The following ELMO1 variants were observed in gnomAD, a reference collection of about 807,000 sequenced individuals.
ELMO1 encodes engulfment and cell motility protein 1.
Under a neutral mutation model 98.9 loss-of-function variants are expected in ELMO1, and 26 were observed. That is an observed-to-expected ratio of 0.26 (90% confidence interval 0.19 to 0.36). The LOEUF is 0.36. Among genes scored for constraint, ELMO1 ranks in the 10% least tolerant of loss-of-function variants. The pLI is 1.00. For missense variants in ELMO1, 627 were observed against 935.2 expected (o/e 0.67, Z 4.30); for synonymous variants, 346 against 346.0 (o/e 1.00, Z 0.00).
intron 13 of ELMO1, among the ~76,000 whole-genome samples, chr7:37,192,815 T>G (rs867913772): frequency 8.3e-6 from 1 of 120,682 alleles, no homozygotes; most frequent in Non-Finnish European, 1.7e-5. Flanking sequence ...AAAAAAAAAA[T>G]GTGTGTGTGT....
intron 15 of ELMO1, among the ~76,000 whole-genome samples, chr7:37,023,435 A>G (rs1794391530): frequency 6.6e-6 from 1 of 152,168 alleles, no homozygotes; most frequent in African/African-American, 2.4e-5. Flanking sequence ...AGGGATTGAC[A>G]TTTTATGTAA....
intron 15 of ELMO1, among the ~76,000 whole-genome samples, chr7:37,081,395 G>T (rs1264278475): frequency 6.6e-6 from 1 of 152,208 alleles, no homozygotes; most frequent in Non-Finnish European, 1.5e-5. Flanking sequence ...ATGCGTATTA[G>T]TTCATTTTTA....
intron 16 of ELMO1, among the ~76,000 whole-genome samples, chr7:36,949,251 T>C (rs150178170): frequency 3.9e-5 from 6 of 152,348 alleles, no homozygotes; most frequent in African/African-American, 1.2e-4. Flanking sequence ...ACCCTATCAC[T>C]GAACTGGAAA....
intron 14 of ELMO1, among the ~76,000 whole-genome samples, chr7:37,110,812 A>T (rs1336743994): frequency 6.6e-6 from 1 of 152,176 alleles, no homozygotes; most frequent in East Asian, 1.9e-4. Context: ...GGACCATGAC[A>T]GCCACTCCCT....
intron 4 of ELMO1, among the ~76,000 whole-genome samples, chr7:37,297,210 A>C (rs1798073891): frequency 6.6e-6 from 1 of 152,218 alleles, no homozygotes; most frequent in Non-Finnish European, 1.5e-5. Flanking sequence ...GTTTACGCTG[A>C]TTGTTTTATT....
chr7:37,025,987 A>T (rs1289830217), intron 15 of ELMO1, among the ~76,000 whole-genome samples: 2 of 151,406 alleles, frequency 1.3e-5, no homozygotes, highest in Non-Finnish European at 2.9e-5. Flanking sequence ...AAGAAGGAGG[A>T]GCAGAAGATG....
intron 14 of ELMO1, among the ~76,000 whole-genome samples, chr7:37,128,968 T>C (rs1392782232): frequency 6.6e-6 from 1 of 152,052 alleles, no homozygotes; most frequent in Non-Finnish European, 1.5e-5. Flanking sequence ...GATGGAGTCA[T>C]CCGGGTAGAG....
chr7:36,934,215 T>C (rs775428936), intron 16 of ELMO1, among the ~76,000 whole-genome samples: 1 of 152,208 alleles, frequency 6.6e-6, no homozygotes, highest in Non-Finnish European at 1.5e-5. Context: ...ACAAGTCACA[T>C]GCCTGGCCAA....
chr7:37,432,548 T>A (rs1468380848), intron 1 of ELMO1, among the ~76,000 whole-genome samples: 2 of 152,246 alleles, frequency 1.3e-5, no homozygotes, highest in South Asian at 2.1e-4. Flanking sequence ...GCCAAGACAC[T>A]ATCAAGTTTC....
intron 1 of ELMO1, among the ~76,000 whole-genome samples, chr7:37,383,021 A>G (rs1467513239): frequency 6.6e-6 from 1 of 152,208 alleles, no homozygotes; most frequent in African/African-American, 2.4e-5. Flanking sequence ...CCATACTTCA[A>G]TGTATATTTC....
intron 15 of ELMO1, among the ~76,000 whole-genome samples, chr7:37,083,632 A>G (rs150871865): frequency 2.7e-4 from 41 of 152,366 alleles, no homozygotes; most frequent in East Asian, 5.8e-4. Context: ...GGGAAGCCAC[A>G]TTGGGTTTGT....
At chr7:36,919,031 ATAAAG>A (rs1470363137) in intron 16 of ELMO1, among the ~76,000 whole-genome samples, 1 of 152,210 alleles carries the variant, frequency 6.6e-6, no homozygotes, top group African/African-American at 2.4e-5. Flanking sequence ...TTGGGCTAAA[ATAAAG>A]TACTTTATTC....
chr7:37,013,222 C>T lies in ELMO1; in HGVS notation c.1437+77G>A, dbSNP rs544219303. The T allele has an allele frequency of 1.5e-4, 234 of 1,548,328 alleles. 2 individuals carry two copies. The African/African-American group carries it at 2.9e-3, about 19-fold the overall frequency. ...TCCCCACCTTGCCAATTGCCTTCTGCACACAGCCAAGGGACCATGCAGCAG... is the reference window on the plus strand; with the variant it reads ...TCCCCACCTTGCCAATTGCCTTCTGTACACAGCCAAGGGACCATGCAGCAG... On this transcript the variant is annotated intron_variant, in intron 16 of 21. Coordinates refer to ENST00000310758, the MANE Select transcript of ELMO1 (RefSeq NM_014800.11).
In ELMO1 at chr7:36,860,809, G is replaced by A. The variant is rs1802571150; in HGVS notation, c.1983+850C>T. Among the ~76,000 whole-genome samples, 4 of 152,174 alleles carry A rather than the reference G, an allele frequency of 2.6e-5. No homozygotes were observed. The South Asian group carries it at 8.3e-4, about 31-fold the overall frequency. ...GCACCGTTCTAAATGCAGGATTTGT[G>A]TCTAATCTTTCCTCTCTCTTTGGGA... On this transcript the variant is annotated intron_variant, in intron 21 of 21. Transcript: ENST00000310758.
At chr7:37,271,548 CA>C (rs1335841140) in intron 5 of ELMO1, 1 of 353,082 alleles carries the variant, frequency 2.8e-6, no homozygotes, top group South Asian at 5.2e-5. Context: ...AAATACAGAA[CA>C]ACTCATAATG....
intron 16 of ELMO1, among the ~76,000 whole-genome samples, chr7:36,954,850 A>C (rs1401908758): frequency 1.3e-5 from 2 of 152,210 alleles, no homozygotes. Flanking sequence ...TCCTAATCAC[A>C]TTAAATTAGG....
At chr7:36,981,906 G>A (rs1338325248) in intron 16 of ELMO1, among the ~76,000 whole-genome samples, 1 of 152,182 alleles carries the variant, frequency 6.6e-6, no homozygotes, top group Non-Finnish European at 1.5e-5. Context: ...ACCTTGTGGA[G>A]GTAAAAGAGA....
At position 37,291,970 on chromosome 7, in the gene ELMO1, T is replaced by TG. The variant is rs1251059483; in HGVS notation, c.193-20089_193-20088insC. Reference sequence around the variant, plus strand: ...TCTGCCCACGGTCTCCCTCTCCCTCTCTTTCCACGGTCTCCCTCTGATGCC... The same window carrying TG: ...TCTGCCCACGGTCTCCCTCTCCCTCTGCTTTCCACGGTCTCCCTCTGATGCC... On this transcript the variant is annotated intron_variant, in intron 4 of 21. Transcript: ENST00000310758. Among the ~76,000 whole-genome samples the TG allele has an allele frequency of 4.7e-3, 135 of 28,592 alleles. 4 individuals are homozygous for TG. Among genetic ancestry groups the TG allele is most frequent in the Admixed American group, 7.4e-3 (18 of 2,426 alleles). The allele number at this position is 28,592 out of a possible 152,430, so 18.8% of individuals were successfully genotyped here. A position where few individuals can be genotyped will look rare whatever the true frequency, so the allele number is the denominator to read the frequency against.
rs61271283 is a variant in ELMO1, at chr7:36,977,538, T to C, written c.1437+35761A>G. The stretch of plus-strand genomic sequence containing the variant: ...AAGTCACATGGAATTGCAACAGTTC[T>C]AGATCACTTTAGTTGCAAATTCTTT... On this transcript the variant is annotated intron_variant, in intron 16 of 21. Coordinates refer to ENST00000310758, the MANE Select transcript of ELMO1 (RefSeq NM_014800.11). Among the ~76,000 whole-genome samples, 1,361 of 152,376 alleles carry C rather than the reference T, an allele frequency of 8.9e-3. 26 individuals are homozygous for C. Among genetic ancestry groups the C allele is most frequent in the African/African-American group, 0.031 (1,277 of 41,592 alleles).
Sources: gnomAD v4.1 joint callset for allele counts (sites outside exome capture counted in the v4.1 genomes callset) on GRCh38, gnomAD v4.1.1 for gene constraint, MANE v1.5 for transcripts, NCBI Gene and HGNC (gene_info 2026-07-23, HGNC 2026-07-21) for gene names.